Variants in TNIP1 observed in about 807,000 individuals in gnomAD.
TNIP1 encodes the protein TNFAIP3 interacting protein 1, also known as TNFAIP3-interacting protein 1.
A neutral mutation model predicts 86.6 loss-of-function variants in TNIP1; 22 were observed. That is an observed-to-expected ratio of 0.25 (90% confidence interval 0.18 to 0.36). TNIP1 has a LOEUF of 0.36. TNIP1 is among the 10% of genes least tolerant of loss of function. The pLI is 1.00. For missense variants in TNIP1, 709 were observed against 820.6 expected (o/e 0.86, Z 1.66); for synonymous variants, 294 against 313.0 (o/e 0.94, Z 0.64).
intron 4 of TNIP1, among the ~76,000 whole-genome samples, chr5:151,060,880 C>A (rs1159917245): frequency 6.6e-6 from 1 of 152,210 alleles, no homozygotes; most frequent in Non-Finnish European, 1.5e-5. Flanking sequence ...GTCTCTTAGG[C>A]CCAGACGTCT....
In TNIP1 at chr5:151,055,805, G is replaced by A. The variant is rs1002923638; in HGVS notation, c.627+961C>T. Among the ~76,000 whole-genome samples, 8 of 152,226 alleles carry A rather than the reference G, an allele frequency of 5.3e-5. No individual in the cohort carries two copies. In the South Asian group the frequency reaches 1.4e-3, roughly 28 times the overall value. On this transcript the variant is annotated intron_variant, in intron 6 of 17. Transcript: ENST00000521591. ...GAGGAGAGTCTGCAGGGAGTAAGGA[G>A]GCTTCAAGTCATGGCTCTGTCACTA... is the stretch of plus-strand genomic sequence containing the variant.
chr5:151,034,775 G>A, intron 15 of TNIP1: 1 of 553,896 alleles, frequency 1.8e-6, no homozygotes, highest in Non-Finnish European at 3.3e-6. Flanking sequence ...AGTCACATGG[G>A]CACGGAAGGT....
intron 8 of TNIP1, among the ~76,000 whole-genome samples, chr5:151,046,824 T>C (rs1213060852): frequency 1.3e-5 from 2 of 152,214 alleles, no homozygotes; most frequent in Non-Finnish European, 2.9e-5. Flanking sequence ...ATAAATACTC[T>C]TGAGTTCATA....
chr5:151,060,043 G>A (rs1018071636), intron 5 of TNIP1, among the ~76,000 whole-genome samples: 1 of 152,196 alleles, frequency 6.6e-6, no homozygotes, highest in African/African-American at 2.4e-5. Flanking sequence ...AGTGTGCGGA[G>A]GTGCCTGGCC....
intron 1 of TNIP1, among the ~76,000 whole-genome samples, chr5:151,078,238 A>G (rs1010590364): frequency 4.6e-5 from 7 of 152,198 alleles, no homozygotes; most frequent in Admixed American, 4.6e-4. Flanking sequence ...TCATCAGGAA[A>G]TGATGCTTGG....
intron 7 of TNIP1, among the ~76,000 whole-genome samples, chr5:151,050,467 T>C (rs1285082391): frequency 6.6e-6 from 1 of 152,250 alleles, no homozygotes; most frequent in Non-Finnish European, 1.5e-5. Flanking sequence ...AGTTATCTTC[T>C]ATTTATCACA....
intron 6 of TNIP1, 101 bp from the exon 7 acceptor site, chr5:151,052,360 C>T: frequency 1.1e-6 from 1 of 950,634 alleles, no homozygotes; most frequent in Non-Finnish European, 1.6e-6. Flanking sequence ...ACCCCAGGGC[C>T]CAACTCCTTA....
intron 3 of TNIP1, among the ~76,000 whole-genome samples, chr5:151,062,638 T>G (rs576985793): frequency 8.5e-5 from 13 of 152,290 alleles, no homozygotes; most frequent in African/African-American, 3.1e-4. Context: ...AGCCAGCAAC[T>G]GCAAACTCAG....
upstream of TNIP1, among the ~76,000 whole-genome samples, chr5:151,084,669 T>C (rs186608662): frequency 1.5e-3 from 227 of 152,216 alleles, 1 homozygote; most frequent in Admixed American, 5.0e-3. Flanking sequence ...AGAACATTCC[T>C]CATTGCATTA....
At chr5:151,065,280 CT>C (rs1762092707) in intron 1 of TNIP1, 149 bp from the exon 2 acceptor site, 1 of 650,360 alleles carries the variant, frequency 1.5e-6, no homozygotes, top group Non-Finnish European at 2.6e-6. Context: ...CAGTCACCTC[CT>C]TTTATCTGGA....
Position 151,030,184 on chromosome 5 carries a change from G to C in TNIP1, c.*529C>G. ...GTGAGTGGTGGTGGAGAGGGCCCCA[G>C]AGCCAGAATATCCATCATTCTCTTC... On this transcript the variant is annotated 3_prime_UTR_variant, in exon 18 of 18. Coordinates refer to ENST00000521591, the MANE Select transcript of TNIP1 (RefSeq NM_006058.5). 2.2e-6 allele frequency: 1 copy of C among 456,402 alleles called. No individual in the cohort carries two copies. The highest frequency in any genetic ancestry group is 2.3e-5 in the Admixed American group (1 of 42,584). 28.3% of individuals were successfully genotyped at this position (456,402 alleles called of 1,614,324 possible).
intron 12 of TNIP1, 105 bp from the exon 13 acceptor site, chr5:151,037,026 T>C (rs1561811106): frequency 7.3e-7 from 1 of 1,377,258 alleles, no homozygotes; most frequent in Non-Finnish European, 9.7e-7. Context: ...ATCATACTAA[T>C]AATAGCCACC....
intron 9 of TNIP1, among the ~76,000 whole-genome samples, chr5:151,045,068 A>C (rs1215579426): frequency 6.6e-6 from 1 of 152,142 alleles, no homozygotes. Context: ...AATATCTGCA[A>C]AGTAGCTACA....
In TNIP1 at chr5:151,063,646, A is replaced by G. The variant is rs369296290; in HGVS notation, c.238T>C (p.Leu80=). 19 of 1,613,970 alleles carry G rather than the reference A, an allele frequency of 1.2e-5. No homozygotes were observed. In the South Asian group the frequency reaches 1.8e-4, roughly 15 times the overall value. ...NELLPPPSPS[L]GSFDPLAELT... is the part of the protein sequence containing the mutation. Reference sequence around the variant, plus strand: ...TCAGCCAGGGGGTCGAAGGAGCCCAAGGAGGGAGAAGGTGGTGGGAGCAGC... The same window carrying G: ...TCAGCCAGGGGGTCGAAGGAGCCCAGGGAGGGAGAAGGTGGTGGGAGCAGC... The change falls in exon 3 of 18, where the codon TTG becomes CTG. Residue 80 remains leucine, a synonymous_variant. Transcript: ENST00000521591.
Position 151,032,305 on chromosome 5 carries a change from C to G in TNIP1, c.1858G>C (p.Ala620Pro), listed in dbSNP as rs1359294016. The G allele has an allele frequency of 1.9e-6, 3 of 1,613,882 alleles. No homozygotes were observed. In the Admixed American group the frequency reaches 5.0e-5, roughly 27 times the overall value. ...QSSQVMDPPT[A>P]RPTEPESPKN... ...GGCTCACCTGGTTCTGTAGGCCTGG[C>G]TGTGGGAGGGTCCATCACTTGGGAG... The change falls in exon 17 of 18, where the codon GCC (alanine) becomes CCC (proline). Residue 620 changes from alanine to proline, a missense_variant. Ala to Pro is a conservative substitution (Grantham distance 27). Transcript: ENST00000521591.
At chr5:151,044,691 G>A (rs554859517) in intron 9 of TNIP1, among the ~76,000 whole-genome samples, 2 of 152,248 alleles carry the variant, frequency 1.3e-5, no homozygotes, top group East Asian at 1.9e-4. Context: ...GGGGCTAGAC[G>A]GAACAGACAG....
intron 1 of TNIP1, among the ~76,000 whole-genome samples, chr5:151,066,202 T>C (rs1258569098): frequency 6.6e-6 from 1 of 152,176 alleles, no homozygotes; most frequent in Non-Finnish European, 1.5e-5. Flanking sequence ...GCCCCAAGCA[T>C]AAGGAGCTAT....
chr5:151,048,519 G>A lies in TNIP1; in HGVS notation c.846+1305C>T, dbSNP rs115505790. On this transcript the variant is annotated intron_variant, in intron 8 of 17. Coordinates refer to ENST00000521591, the MANE Select transcript of TNIP1 (RefSeq NM_006058.5). Reference sequence around the variant, plus strand: ...CATGCAATTCCAAGGCACACTCGTCGCCCCTCTGTAACACATGCCTCTAAT... The same window carrying A: ...CATGCAATTCCAAGGCACACTCGTCACCCCTCTGTAACACATGCCTCTAAT... Among the ~76,000 whole-genome samples, 112 of 152,230 alleles carry A rather than the reference G, an allele frequency of 7.4e-4. 2 individuals are homozygous for A. The highest frequency in any genetic ancestry group is 2.6e-3 in the African/African-American group (108 of 41,522).
chr5:151,050,376 A>G (rs1038036993), intron 7 of TNIP1, among the ~76,000 whole-genome samples: 1 of 152,232 alleles, frequency 6.6e-6, no homozygotes, highest in Non-Finnish European at 1.5e-5. Context: ...CAGAAGGTGC[A>G]GGCTGCAGGC....
Sources: allele counts gnomAD v4.1 joint callset (sites outside exome capture counted in the v4.1 genomes callset), GRCh38; gene constraint gnomAD v4.1.1; transcripts MANE v1.5; gene names NCBI Gene and HGNC (gene_info 2026-07-23, HGNC 2026-07-21).